GNAS: variants seen among roughly 807,000 people sequenced by gnomAD.
GNAS encodes GNAS complex locus.
Under a neutral mutation model 54.5 loss-of-function variants are expected in GNAS, and 8 were observed. The ratio of observed to expected loss-of-function variants is 0.15; its 90% CI spans 0.09 to 0.26. The LOEUF (loss-of-function observed/expected upper bound fraction) is 0.26. Ranked by LOEUF, GNAS falls within the 10% of genes least tolerant of loss-of-function variation. GNAS has a pLI of 1.00. For missense variants in GNAS, 170 were observed against 529.8 expected (o/e 0.32, Z 6.67); for synonymous variants, 204 against 191.4 (o/e 1.07, Z -0.54).
intron 1 of GNAS, among the ~76,000 whole-genome samples, chr20:58,862,962 GAA>G (rs542171703): frequency 1.7e-4 from 14 of 82,254 alleles, no homozygotes; most frequent in Admixed American, 3.9e-4. Flanking sequence ...TATTACACAT[GAA>G]AAAAAAAAAA....
rs913506271 is a variant in GNAS, at chr20:58,859,507, T to C, written c.43+18621T>C. On this transcript the variant is annotated intron_variant, in intron 1 of 12. Transcript: ENST00000306090. ...CCACTGTGCCTGGCCACATTTTACA[T>C]TTTTTAAAGCCTTTCATCTAGTCAT... is the stretch of plus-strand genomic sequence containing the variant. Among the ~76,000 whole-genome samples, 3 of 152,224 alleles carry C rather than the reference T, an allele frequency of 2.0e-5. No individual in the cohort carries two copies. In the East Asian group the frequency reaches 5.8e-4, roughly 29 times the overall value.
Position 58,891,800 on chromosome 20 carries a change from A to G in GNAS, c.74A>G (p.Lys25Arg). Residue 25 changes from lysine (K) to arginine (R), a missense_variant, in exon 1 of 13, where the codon AAG becomes AGG. Lys to Arg is a conservative substitution (Grantham distance 26). Around this residue, in one of 3 missense-constraint regions of GNAS, gnomAD observed 56 missense variants for 55.7 expected, o/e 1.01. Transcript: ENST00000371085. ...EEKAQREANK[K>R]IEKQLQKDKQ... is the part of the protein sequence containing the mutation. ...AAGGCGCAGCGTGAGGCCAACAAAAAGATCGAGAAGCAGCTGCAGAAGGAC... is the reference window on the plus strand; with the variant it reads ...AAGGCGCAGCGTGAGGCCAACAAAAGGATCGAGAAGCAGCTGCAGAAGGAC... 7.8e-7 allele frequency: 1 copy of G among 1,288,638 alleles called. No individual in the cohort carries two copies. The highest frequency in any genetic ancestry group is 1.0e-6 in the Non-Finnish European group (1 of 978,212). 79.8% of individuals were successfully genotyped at this position (1,288,638 alleles called of 1,614,324 possible). A position where few individuals can be genotyped will look rare whatever the true frequency, so the allele number is the denominator to read the frequency against.
chr20:58,889,143 G>A, upstream of GNAS: 2 of 1,206,930 alleles, frequency 1.7e-6, no homozygotes, highest in South Asian at 1.4e-5. Flanking sequence ...GCGTCATCGG[G>A]GCCGGTTAGA....
intron 1 of GNAS, among the ~76,000 whole-genome samples, chr20:58,868,913 T>C (rs530362097): frequency 2.0e-5 from 3 of 152,166 alleles, no homozygotes; most frequent in African/African-American, 4.8e-5. Context: ...GCTTTTACGA[T>C]TGACAGCCTG....
chr20:58,899,857 A>T lies in GNAS; in HGVS notation c.257+872A>T, dbSNP rs1313409588. On this transcript the variant is annotated intron_variant, in intron 3 of 12. Transcript: ENST00000371085. ...GACTTAGTTTAGGGCATCTCAAAGA[A>T]ACAGCTTCTGTGGCCGGGGAGGGGA... 4.2e-6 allele frequency: 3 copies of T among 706,770 alleles called. No individual in the cohort carries two copies. The African/African-American group carries it at 5.3e-5, about 12-fold the overall frequency. 43.8% of individuals were successfully genotyped at this position (706,770 alleles called of 1,614,324 possible). A position where few individuals can be genotyped will look rare whatever the true frequency, so the allele number is the denominator to read the frequency against.
chr20:58,897,460 C>T (rs1397814838), intron 2 of GNAS: 1 of 152,200 alleles, frequency 6.6e-6, no homozygotes, highest in Admixed American at 6.5e-5. Flanking sequence ...CTGGACATGG[C>T]TAGCATTTTT....
intron 5 of GNAS, 105 bp from the exon 6 acceptor site, chr20:58,905,278 A>T: frequency 1.3e-6 from 1 of 752,056 alleles, no homozygotes; most frequent in Non-Finnish European, 2.4e-6. Flanking sequence ...AAATCACACC[A>T]AGTGTCGGTC....
At chr20:58,890,177 G>A (rs1018816947), upstream of GNAS, among the ~76,000 whole-genome samples, 11 of 151,636 alleles carry the variant, frequency 7.3e-5, no homozygotes, top group East Asian at 1.9e-4. Context: ...AGAAGGAGAG[G>A]AAGAAGATGG....
upstream of GNAS, among the ~76,000 whole-genome samples, chr20:58,891,010 G>C (rs941089997): frequency 6.6e-6 from 1 of 150,628 alleles, no homozygotes; most frequent in Non-Finnish European, 1.5e-5. Context: ...AGGAGGCCTC[G>C]GGGGCGCCGG....
upstream of GNAS, among the ~76,000 whole-genome samples, chr20:58,890,154 G>A (rs1350454980): frequency 2.0e-5 from 3 of 151,860 alleles, no homozygotes; most frequent in Non-Finnish European, 4.4e-5. Context: ...GCGAAAGGAG[G>A]AGAAGAAGAA....
In GNAS at chr20:58,893,702, G is replaced by A. The variant is rs562057570; in HGVS notation, c.139+1837G>A. The stretch of plus-strand genomic sequence containing the variant: ...TGCTGTCTTGTCTAAAACTTTTAAA[G>A]GCAGAATTATGCTGTTGGGATATTA... On this transcript the variant is annotated intron_variant, in intron 1 of 12. Transcript: ENST00000371085. Among the ~76,000 whole-genome samples the A allele has an allele frequency of 1.6e-4, 24 of 152,294 alleles. No homozygotes were observed. The East Asian group carries it at 3.5e-3, about 22-fold the overall frequency.
At chr20:58,880,154 T>C (rs948950657) in intron 1 of GNAS, among the ~76,000 whole-genome samples, 3 of 152,050 alleles carry the variant, frequency 2.0e-5, no homozygotes, top group Admixed American at 2.0e-4. Context: ...GAAGGGAACA[T>C]GGAGAGGCAG....
In GNAS at chr20:58,853,580, G is replaced by C; in HGVS notation, c.43+12694G>C. ...CTCCTGAGGAAGCAATGCCCTTCGA[G>C]GCTGAACAGCCCAGCTTGGGAGGCT... On this transcript the variant is annotated intron_variant, in intron 1 of 12. Transcript: ENST00000306090. This position sits in a 1 kb window ranked among gnomAD's most constrained non-coding sequence, Gnocchi z 4.4. 6.2e-7 allele frequency: 1 copy of C among 1,613,332 alleles called. No individual in the cohort carries two copies. Among genetic ancestry groups the C allele is most frequent in the East Asian group, 2.2e-5 (1 of 44,862 alleles).
At chr20:58,869,801 T>A (rs1221743887) in intron 1 of GNAS, among the ~76,000 whole-genome samples, 1 of 152,232 alleles carries the variant, frequency 6.6e-6, no homozygotes, top group Non-Finnish European at 1.5e-5. Flanking sequence ...CTAGCGAAGG[T>A]GTCCTCTCTA....
intron 1 of GNAS, among the ~76,000 whole-genome samples, chr20:58,851,827 G>A (rs2086187903): frequency 6.6e-6 from 1 of 152,222 alleles, no homozygotes; most frequent in South Asian, 2.1e-4. Context: ...CTAGAAGGGT[G>A]CTGGAGGCAG....
At position 58,910,320 on chromosome 20, in the gene GNAS, C is replaced by A; in HGVS notation, c.971-14C>A. Reference sequence around the variant, plus strand: ...ATTTTAAATTACATTAATATGTATTCCCTTTTTATATAGCTACTCCCGAGC... The same window carrying A: ...ATTTTAAATTACATTAATATGTATTACCTTTTTATATAGCTACTCCCGAGC... On this transcript the variant is annotated splice_polypyrimidine_tract_variant and intron_variant, in intron 11 of 12. Transcript: ENST00000371085. The surrounding 1 kb of genome is among the most constrained non-coding windows in gnomAD (Gnocchi z 5.8). The A allele has an allele frequency of 6.3e-7, 1 of 1,585,640 alleles. No individual in the cohort carries two copies.
intron 1 of GNAS, among the ~76,000 whole-genome samples, chr20:58,872,884 A>G (rs1386876988): frequency 6.6e-6 from 1 of 152,210 alleles, no homozygotes; most frequent in African/African-American, 2.4e-5. Context: ...TCAAGAGAAA[A>G]AAAATAAAAT....
At chr20:58,907,538 G>C (rs527827334) in intron 6 of GNAS, among the ~76,000 whole-genome samples, 1 of 152,218 alleles carries the variant, frequency 6.6e-6, no homozygotes, top group African/African-American at 2.4e-5. Flanking sequence ...ATGCTGGGGG[G>C]GCAGGGAGAC....
chr20:58,868,373 C>A lies in GNAS; in HGVS notation c.44-27239C>A, dbSNP rs143534355. On this transcript the variant is annotated intron_variant, in intron 1 of 12. Coordinates refer to the GNAS transcript ENST00000306090. ...TTCACCATGTTAGCCAGGCTGGTCT[C>A]CAACTCCTGACTTCAGATGATCCGC... Among the ~76,000 whole-genome samples the A allele has an allele frequency of 2.1e-3, 321 of 152,194 alleles. 6 individuals are homozygous for A. The East Asian group carries it at 0.049, about 23-fold the overall frequency.
Sources: allele counts gnomAD v4.1 joint callset (sites outside exome capture counted in the v4.1 genomes callset), GRCh38; gene constraint gnomAD v4.1.1; regional missense constraint gnomAD v4.1.1; non-coding constraint Gnocchi (gnomAD v3.1); transcripts MANE v1.5; gene names NCBI Gene and HGNC (gene_info 2026-07-23, HGNC 2026-07-21).